Variants in RIT2 observed in about 807,000 individuals in gnomAD.
The protein encoded by RIT2 is Ras like without CAAX 2, also known as GTP-binding protein Rit2.
A neutral mutation model predicts 23.7 loss-of-function variants in RIT2; 24 were observed. The ratio of observed to expected loss-of-function variants is 1.01; its 90% CI spans 0.73 to 1.43. The LOEUF is 1.43. Among genes scored for constraint, RIT2 ranks in the 40% most tolerant of loss-of-function variants. The pLI is 0.00. For missense variants in RIT2, 236 were observed against 266.9 expected (o/e 0.88, Z 0.81); for synonymous variants, 107 against 91.1 (o/e 1.17, Z -0.99).
intron 4 of RIT2, among the ~76,000 whole-genome samples, chr18:42,845,390 T>C (rs1443215396): frequency 6.6e-6 from 1 of 151,002 alleles, no homozygotes. Flanking sequence ...GATTTATATG[T>C]TCTTATATAT....
At chr18:42,893,704 T>A (rs1026020200) in intron 4 of RIT2, among the ~76,000 whole-genome samples, 14 of 152,180 alleles carry the variant, frequency 9.2e-5, no homozygotes, top group African/African-American at 3.4e-4. Context: ...GTTTTTTATA[T>A]GTTCCTGTTA....
At chr18:43,022,642 TG>T (rs1911624089) in intron 2 of RIT2, among the ~76,000 whole-genome samples, 1 of 152,110 alleles carries the variant, frequency 6.6e-6, no homozygotes. Flanking sequence ...ATTTATTTAT[TG>T]GTAAGCTTGT....
chr18:42,907,314 G>C (rs956983077), intron 4 of RIT2, among the ~76,000 whole-genome samples: 1 of 152,134 alleles, frequency 6.6e-6, no homozygotes, highest in African/African-American at 2.4e-5. Context: ...TATGGCGATT[G>C]TTTAAAAGTT....
At chr18:42,835,640 T>C (rs937131992) in intron 4 of RIT2, among the ~76,000 whole-genome samples, 5 of 152,072 alleles carry the variant, frequency 3.3e-5, no homozygotes, top group African/African-American at 1.2e-4. Context: ...TCTTTAAAGA[T>C]AAGGTTTTCA....
chr18:42,808,918 C>T (rs1905762038), intron 4 of RIT2, among the ~76,000 whole-genome samples: 1 of 152,034 alleles, frequency 6.6e-6, no homozygotes, highest in Admixed American at 6.6e-5. Context: ...TGACCTCAAG[C>T]TTTACAGTAA....
At chr18:43,109,155 CTT>C (rs1913896504) in intron 1 of RIT2, among the ~76,000 whole-genome samples, 1 of 152,188 alleles carries the variant, frequency 6.6e-6, no homozygotes, top group Non-Finnish European at 1.5e-5. Context: ...ACTGCTTTCT[CTT>C]TATAAAATCC....
chr18:43,078,636 G>A (rs1913081037), intron 1 of RIT2, among the ~76,000 whole-genome samples: 1 of 152,158 alleles, frequency 6.6e-6, no homozygotes, highest in Non-Finnish European at 1.5e-5. Flanking sequence ...GGAGCCTTCA[G>A]GGAAAAGAGC....
chr18:42,784,232 C>T (rs1913874444), intron 4 of RIT2, among the ~76,000 whole-genome samples: 1 of 150,808 alleles, frequency 6.6e-6, no homozygotes, highest in Admixed American at 6.6e-5. Context: ...TAAACCCTTC[C>T]TTGATGATTC....
rs182547949 is a variant in RIT2, at chr18:42,767,818, A to C, written c.427-24098T>G. 7.0e-3 allele frequency among the ~76,000 whole-genome samples: 1,065 copies of C among 152,286 alleles called. 10 individuals are homozygous for C. Among genetic ancestry groups the C allele is most frequent in the African/African-American group, 0.025 (1,019 of 41,568 alleles). ...CGTGCTATTCTTCTGATAGTGAATA[A>C]GTCTCATAAGATCTGATGGGTTTAT... On this transcript the variant is annotated intron_variant, in intron 4 of 4. Transcript: ENST00000326695.
chr18:43,020,835 GTC>G (rs1437264965), intron 2 of RIT2, among the ~76,000 whole-genome samples: 1 of 152,070 alleles, frequency 6.6e-6, no homozygotes, highest in African/African-American at 2.4e-5. Context: ...TGAGACTTCA[GTC>G]TCTCACTACA....
intron 2 of RIT2, among the ~76,000 whole-genome samples, chr18:43,000,192 T>A (rs1339019914): frequency 6.6e-6 from 1 of 152,030 alleles, no homozygotes; most frequent in African/African-American, 2.4e-5. Context: ...TGGTATATTG[T>A]TTTAGGTATG....
intron 1 of RIT2, among the ~76,000 whole-genome samples, chr18:43,077,102 CAAAA>C (rs34419558): frequency 8.7e-5 from 7 of 80,242 alleles, no homozygotes; most frequent in South Asian, 9.1e-4. Flanking sequence ...GACTCCGTCT[CAAAA>C]AAAAAAAAAA....
intron 1 of RIT2, among the ~76,000 whole-genome samples, chr18:43,035,952 T>A (rs1005069193): frequency 1.3e-5 from 2 of 152,192 alleles, no homozygotes; most frequent in East Asian, 3.9e-4. Flanking sequence ...ATATCGCTAC[T>A]CAAATGTCAC....
intron 2 of RIT2, among the ~76,000 whole-genome samples, chr18:43,011,317 G>A (rs1445455064): frequency 1.3e-5 from 2 of 151,676 alleles, no homozygotes; most frequent in Non-Finnish European, 2.9e-5. Context: ...GCTGCATCAT[G>A]CAACCAAAGG....
Position 42,972,620 on chromosome 18 carries a change from T to TC in RIT2, c.234+1453dup, listed in dbSNP as rs199720415. Among the ~76,000 whole-genome samples, 57 of 151,894 alleles carry TC rather than the reference T, an allele frequency of 3.8e-4. No individual in the cohort carries two copies. The East Asian group carries it at 0.01, about 28-fold the overall frequency. On this transcript the variant is annotated intron_variant, in intron 3 of 4. Coordinates refer to ENST00000326695, the MANE Select transcript of RIT2 (RefSeq NM_002930.4). ...GTATAGTTAAAATCTACTTTGTATT[T>TC]CCCCCCTTTCTTAACTTTTCCCCTT... is the stretch of plus-strand genomic sequence containing the variant.
intron 4 of RIT2, among the ~76,000 whole-genome samples, chr18:42,888,519 G>GTTT (rs139162530): frequency 3.0e-4 from 44 of 148,538 alleles, no homozygotes; most frequent in South Asian, 6.4e-4. Flanking sequence ...TCCAGCATCT[G>GTTT]TTTTTTTTTT....
At chr18:42,888,229 T>C (rs1190589597) in intron 4 of RIT2, among the ~76,000 whole-genome samples, 1 of 151,770 alleles carries the variant, frequency 6.6e-6, no homozygotes, top group Non-Finnish European at 1.5e-5. Flanking sequence ...ATTTTAATTG[T>C]GTGGGGGAAG....
At chr18:43,098,528 G>T (rs575804339) in intron 1 of RIT2, among the ~76,000 whole-genome samples, 1 of 152,010 alleles carries the variant, frequency 6.6e-6, no homozygotes, top group South Asian at 2.1e-4. Context: ...CTCAGTCTTA[G>T]AGAAAAATGG....
At chr18:43,115,310 T>C in intron 1 of RIT2, 107 bp downstream of exon 1, 2 of 1,407,444 alleles carry the variant, frequency 1.4e-6, no homozygotes, top group South Asian at 1.2e-5. Context: ...TGTGTTTAAC[T>C]GCCACAGTTC....
Sources: allele counts gnomAD v4.1 joint callset (sites outside exome capture counted in the v4.1 genomes callset), GRCh38; gene constraint gnomAD v4.1.1; transcripts MANE v1.5; gene names NCBI Gene and HGNC (gene_info 2026-07-23, HGNC 2026-07-21).